Variants in B3GAT1 observed in about 807,000 individuals in gnomAD.
The protein encoded by B3GAT1 is beta-1,3-glucuronyltransferase 1, also known as galactosylgalactosylxylosylprotein 3-beta-glucuronosyltransferase 1.
A neutral mutation model predicts 28.4 loss-of-function variants in B3GAT1; 11 were observed. The ratio of observed to expected loss-of-function variants is 0.39; its 90% CI spans 0.24 to 0.64. The LOEUF is 0.64. B3GAT1 is among the 30% of genes least tolerant of loss of function. The pLI, the probability that B3GAT1 is intolerant of heterozygous loss-of-function variation, is 0.50. For missense variants in B3GAT1, 375 were observed against 491.0 expected (o/e 0.76, Z 2.23); for synonymous variants, 255 against 223.1 (o/e 1.14, Z -1.27).
At chr11:134,386,026 T>C (rs1944274937) in intron 2 of B3GAT1, 3 of 152,222 alleles carry the variant, frequency 2.0e-5, no homozygotes, top group Admixed American at 1.3e-4. Flanking sequence ...TCTGGAGTGA[T>C]GTATTTGCAA....
intron 1 of B3GAT1, chr11:134,409,707 C>A: frequency 6.6e-6 from 1 of 152,482 alleles, no homozygotes; most frequent in Non-Finnish European, 1.5e-5. Flanking sequence ...CCCCAACTCA[C>A]CACTCAGTCA....
Position 134,387,930 on chromosome 11 carries a change from G to A in B3GAT1, c.-271C>T. ...CAGGGGCAGGGGTCAGGAACCCTGG[G>A]GGGTGGACACCTGCAAGAGAGAGCA... On this transcript the variant is annotated 5_prime_UTR_variant, in exon 2 of 6. Coordinates refer to ENST00000312527, the MANE Select transcript of B3GAT1 (RefSeq NM_054025.3). 7.2e-7 allele frequency: 1 copy of A among 1,386,548 alleles called. No individual in the cohort carries two copies. The highest frequency in any genetic ancestry group is 1.2e-5 in the South Asian group (1 of 81,060). The allele number at this position is 1,386,548 out of a possible 1,614,324, so 85.9% of individuals were successfully genotyped here. A position where few individuals can be genotyped will look rare whatever the true frequency, so the allele number is the denominator to read the frequency against.
rs143437246 is a variant in B3GAT1, at chr11:134,387,561, G to T, written c.99C>A (p.Leu33=). The T allele has an allele frequency of 5.6e-6, 9 of 1,613,898 alleles. No homozygotes were observed. The African/African-American group carries it at 1.2e-4, about 22-fold the overall frequency. ...GTGCGTGCTCACCCTTATGTACCGC[G>T]AGCAGGGGTGCGAGGGTGCTCTGGT... ...VWHQSTLAPL[L]AVHKDEGSDP... Residue 33 remains leucine, a synonymous_variant, in exon 2 of 6, where the codon CTC becomes CTA. Transcript: ENST00000312527.
chr11:134,386,491 G>A (rs1438635126), intron 2 of B3GAT1: 1 of 152,238 alleles, frequency 6.6e-6, no homozygotes, highest in African/African-American at 2.4e-5. Context: ...TTGGGAGTGA[G>A]AGGGAAAGGC....
Position 134,380,567 on chromosome 11 carries a change from C to T in B3GAT1, c.*195G>A, listed in dbSNP as rs1292567864. On this transcript the variant is annotated 3_prime_UTR_variant, in exon 6 of 6. Transcript: ENST00000312527. Reference sequence around the variant, plus strand: ...TGGTCACGCTGGATGGAGAGAACAACAGGTCTGGGATTTCTGTGCTTAAAT... The same window carrying T: ...TGGTCACGCTGGATGGAGAGAACAATAGGTCTGGGATTTCTGTGCTTAAAT... The T allele has an allele frequency of 6.5e-6, 1 of 152,730 alleles. No individual in the cohort carries two copies. The highest frequency in any genetic ancestry group is 1.5e-5 in the Non-Finnish European group (1 of 68,100). The allele number at this position is 152,730 out of a possible 1,614,324, so 9.5% of individuals were successfully genotyped here. A position where few individuals can be genotyped will look rare whatever the true frequency, so the allele number is the denominator to read the frequency against.
chr11:134,389,594 T>C (rs1310684773), intron 1 of B3GAT1: 1 of 152,378 alleles, frequency 6.6e-6, no homozygotes, highest in Non-Finnish European at 1.5e-5. Flanking sequence ...CTGAGCACCA[T>C]GCATGATGCA....
chr11:134,389,438 C>A (rs1348899695), intron 1 of B3GAT1: 1 of 152,252 alleles, frequency 6.6e-6, no homozygotes, highest in Non-Finnish European at 1.5e-5. Context: ...GGAGAATGAG[C>A]CACTGGGATT....
At chr11:134,384,360 T>C in intron 2 of B3GAT1, 172 bp from the exon 3 acceptor site, 1 of 833,056 alleles carries the variant, frequency 1.2e-6, no homozygotes, top group Non-Finnish European at 1.8e-6. Flanking sequence ...TCTGCAGCCC[T>C]GGAATCCTCT....
At chr11:134,392,718 G>T (rs907365549) in intron 1 of B3GAT1, among the ~76,000 whole-genome samples, 9 of 152,110 alleles carry the variant, frequency 5.9e-5, no homozygotes, top group Non-Finnish European at 8.8e-5. Flanking sequence ...TGTGAATAAG[G>T]ACTAGGGGGT....
intron 3 of B3GAT1, 126 bp from the exon 4 acceptor site, chr11:134,383,132 G>T: frequency 9.2e-7 from 1 of 1,088,796 alleles, no homozygotes; most frequent in Non-Finnish European, 1.3e-6. Context: ...GCCACCTAGG[G>T]GGTGTCCAGT....
chr11:134,409,002 C>T (rs923543135), intron 1 of B3GAT1, among the ~76,000 whole-genome samples: 21 of 152,160 alleles, frequency 1.4e-4, no homozygotes, highest in Admixed American at 2.6e-4. Flanking sequence ...GCTGGCCTGA[C>T]GCTGCTACTC....
chr11:134,404,018 TA>T (rs1565459396), intron 1 of B3GAT1, among the ~76,000 whole-genome samples: 49 of 123,182 alleles, frequency 4.0e-4, no homozygotes, highest in African/African-American at 1.3e-3. Context: ...TATATATATA[TA>T]TATATATATA....
chr11:134,392,149 C>T (rs1389875677), intron 1 of B3GAT1: 3 of 152,220 alleles, frequency 2.0e-5, no homozygotes, highest in African/African-American at 4.8e-5. Flanking sequence ...CAGTGGGCAC[C>T]TAGGGCCAGA....
At chr11:134,385,787 C>G (rs537506968) in intron 2 of B3GAT1, 1 of 152,322 alleles carries the variant, frequency 6.6e-6, no homozygotes, top group Non-Finnish European at 1.5e-5. Context: ...GGCTTCAGGG[C>G]GTCTGCAATT....
chr11:134,384,108 C>T lies in B3GAT1; in HGVS notation c.193G>A (p.Glu65Lys). 6.3e-7 allele frequency: 1 copy of T among 1,589,584 alleles called. No individual in the cohort carries two copies. The highest frequency in any genetic ancestry group is 1.3e-5 in the African/African-American group (1 of 74,734). The part of the protein sequence containing the change: ...EYCTSDRDIV[E>K]VVRTEYVYTR... ...TACACGTACTCGGTGCGCACCACCT[C>T]CACGATGTCGCGGTCAGACGTGCAG... is the stretch of plus-strand genomic sequence containing the variant. The change falls in exon 3 of 6, where the codon GAG (glutamate) becomes AAG (lysine). Residue 65 changes from glutamate to lysine, a missense_variant. By Grantham distance (56) the Glu-to-Lys change is moderately conservative (BLOSUM62 1). Transcript: ENST00000312527.
intron 1 of B3GAT1, chr11:134,388,271 C>G (rs926985482): frequency 8.9e-6 from 2 of 225,728 alleles, no homozygotes; most frequent in Admixed American, 4.8e-5. Context: ...CTCCATGCCA[C>G]AGTTTTCCCA....
At chr11:134,406,248 A>G (rs7932600) in intron 1 of B3GAT1, among the ~76,000 whole-genome samples, 38,645 of 152,208 alleles carry the variant, frequency 0.25, 5,816 homozygotes, top group African/African-American at 0.42. Context: ...TCCCTGCTCG[A>G]CATGGTGCTG....
chr11:134,397,497 T>C (rs1013471408), intron 1 of B3GAT1, among the ~76,000 whole-genome samples: 1 of 152,214 alleles, frequency 6.6e-6, no homozygotes. Context: ...ACGTGGCCCA[T>C]GCCAGAGGGC....
intron 1 of B3GAT1, chr11:134,392,225 C>T (rs572306908): frequency 2.0e-5 from 3 of 152,352 alleles, no homozygotes; most frequent in Admixed American, 1.3e-4. Context: ...GGCCAGCACC[C>T]GTGGAACTGA....
Sources: allele counts gnomAD v4.1 joint callset (sites outside exome capture counted in the v4.1 genomes callset), GRCh38; gene constraint gnomAD v4.1.1; transcripts MANE v1.5; gene names NCBI Gene and HGNC (gene_info 2026-07-23, HGNC 2026-07-21).